NEK11: variants seen among roughly 807,000 people sequenced by gnomAD.
NEK11 encodes the protein NIMA related kinase 11.
A neutral mutation model predicts 80.7 loss-of-function variants in NEK11; 72 were observed. That is an observed-to-expected ratio of 0.89 (90% CI 0.74 to 1.08). The LOEUF is 1.08. Among genes scored for constraint, NEK11 ranks in the 50% least tolerant of loss-of-function variants. NEK11 has a pLI of 0.00. For missense variants in NEK11, 764 were observed against 763.6 expected, an observed-to-expected ratio of 1.00 and a Z score of -0.01; for synonymous variants, 251 against 260.7, an observed-to-expected ratio of 0.96 and a Z score of 0.36.
intron 3 of NEK11, among the ~76,000 whole-genome samples, chr3:131,031,604 A>G (rs540912814): frequency 6.6e-6 from 1 of 152,332 alleles, no homozygotes; most frequent in East Asian, 1.9e-4. Context: ...TAAGATAATA[A>G]GTGAGTGGAG....
Position 131,228,424 on chromosome 3 carries a change from TG to T in NEK11, c.1400-103del, listed in dbSNP as rs1284611189. The T allele has an allele frequency of 2.3e-5, 23 of 1,011,760 alleles. No homozygotes were observed. The African/African-American group carries it at 3.2e-4, about 14-fold the overall frequency. 62.7% of individuals were successfully genotyped at this position (1,011,760 alleles called of 1,614,324 possible). ...TCAGCTCTACACTCCATGGAAGCTT[TG>T]TCAACGCAAGCAAAATATACATCCC... On this transcript the variant is annotated intron_variant, in intron 14 of 17. Transcript: ENST00000383366.
At position 131,133,928 on chromosome 3, in the gene NEK11, C is replaced by G. The variant is rs1317886436; in HGVS notation, c.619C>G (p.Gln207Glu). The G allele has an allele frequency of 6.2e-7, 1 of 1,611,200 alleles. No homozygotes were observed. Among genetic ancestry groups the G allele is most frequent in the South Asian group, 1.1e-5 (1 of 90,506 alleles). ...HYMSPEALKH[Q>E]GYDTKSDIWS... ...TATGAGTCCTGAGGCTCTGAAACACCAAGGCTATGACACAAAGTCGGACAT... is the reference window on the plus strand; with the variant it reads ...TATGAGTCCTGAGGCTCTGAAACACGAAGGCTATGACACAAAGTCGGACAT... The change falls in exon 7 of 18, where the codon CAA (glutamine) becomes GAA (glutamate). Residue 207 changes from glutamine to glutamate, a missense_variant. Coordinates refer to ENST00000383366, the MANE Select transcript of NEK11 (RefSeq NM_024800.5).
chr3:131,281,960 C>A (rs541582033), intron 17 of NEK11, among the ~76,000 whole-genome samples: 5 of 152,160 alleles, frequency 3.3e-5, no homozygotes, highest in Non-Finnish European at 7.4e-5. Context: ...CACAAAATGT[C>A]CCCACATCTA....
At position 131,152,388 on chromosome 3, in the gene NEK11, G is replaced by A. The variant is rs776569792; in HGVS notation, c.648G>A (p.Trp216Ter). Reference protein sequence around the residue: ...HQGYDTKSDIWSLACILYEMC... With the variant: ...HQGYDTKSDI The stretch of plus-strand genomic sequence containing the variant: ...TTAAATTCTTTGACTTTGTCTTCAG[G>A]TCACTGGCATGCATTTTGTATGAGA... The change falls in exon 8 of 18, where the codon TGG becomes TGA. Residue 216 changes from tryptophan to a stop codon, truncating the protein, a stop_gained and splice_region_variant. Transcript: ENST00000383366. LOFTEE classifies it high-confidence loss of function. The A allele has an allele frequency of 2.5e-6, 4 of 1,592,718 alleles. No homozygotes were observed. Among genetic ancestry groups the A allele is most frequent in the South Asian group, 2.3e-5 (2 of 87,530 alleles).
intron 14 of NEK11, among the ~76,000 whole-genome samples, chr3:131,212,754 T>C (rs2094679333): frequency 6.6e-6 from 1 of 152,236 alleles, no homozygotes; most frequent in Non-Finnish European, 1.5e-5. Context: ...AACTTTATTC[T>C]CTGTCAGATT....
At chr3:131,290,320 A>C (rs185859526) in intron 17 of NEK11, among the ~76,000 whole-genome samples, 6 of 152,318 alleles carry the variant, frequency 3.9e-5, no homozygotes, top group Admixed American at 3.9e-4. Flanking sequence ...ATGAGAGGCA[A>C]GAGGAATTTC....
At chr3:131,182,252 C>T (rs955858050) in intron 14 of NEK11, among the ~76,000 whole-genome samples, 1 of 151,922 alleles carries the variant, frequency 6.6e-6, no homozygotes, top group Non-Finnish European at 1.5e-5. Flanking sequence ...TTCTCTTTTT[C>T]TCTTGCTTCT....
At chr3:131,269,834 G>A (rs2096144001) in intron 16 of NEK11, among the ~76,000 whole-genome samples, 1 of 152,236 alleles carries the variant, frequency 6.6e-6, no homozygotes, top group Admixed American at 6.5e-5. Flanking sequence ...CCTAGGTTCA[G>A]GAAGGAGCCC....
At chr3:131,155,321 G>A (rs1417051373) in intron 10 of NEK11, among the ~76,000 whole-genome samples, 200 bp downstream of exon 10, 3 of 152,216 alleles carry the variant, frequency 2.0e-5, no homozygotes, top group African/African-American at 7.2e-5. Context: ...AATCATGAAA[G>A]TTTAAACCAC....
chr3:131,289,255 A>G (rs1187324060), intron 17 of NEK11, among the ~76,000 whole-genome samples: 1 of 152,096 alleles, frequency 6.6e-6, no homozygotes, highest in Non-Finnish European at 1.5e-5. Context: ...ATTTCTTCTT[A>G]TAAGGACACC....
chr3:131,049,517 T>C (rs1185232839), intron 3 of NEK11, among the ~76,000 whole-genome samples: 1 of 152,252 alleles, frequency 6.6e-6, no homozygotes, highest in Admixed American at 6.5e-5. Context: ...AAATTATTTG[T>C]CATTTCTTTA....
chr3:131,263,140 A>G (rs1049663317), intron 16 of NEK11, among the ~76,000 whole-genome samples: 7 of 147,760 alleles, frequency 4.7e-5, no homozygotes, highest in Non-Finnish European at 1.5e-5. Context: ...GCACCCATTA[A>G]CTCGTCATTT....
intron 17 of NEK11, among the ~76,000 whole-genome samples, chr3:131,323,954 T>C (rs1398996709): frequency 2.0e-5 from 3 of 152,186 alleles, no homozygotes; most frequent in African/African-American, 7.2e-5. Context: ...CGGCTACACA[T>C]GGCCATCCTA....
intron 15 of NEK11, among the ~76,000 whole-genome samples, chr3:131,232,594 A>G (rs1000065319): frequency 3.9e-5 from 6 of 152,186 alleles, no homozygotes; most frequent in African/African-American, 1.2e-4. Flanking sequence ...GAAGTTCTCA[A>G]TGCTTTTTCC....
intron 6 of NEK11, chr3:131,133,432 G>T: frequency 3.1e-6 from 1 of 319,764 alleles, no homozygotes; most frequent in Non-Finnish European, 6.0e-6. Flanking sequence ...TCTTTAAAAC[G>T]CTCCATTATT....
chr3:131,146,865 T>C (rs1467989585), intron 7 of NEK11, among the ~76,000 whole-genome samples: 2 of 152,090 alleles, frequency 1.3e-5, no homozygotes, highest in African/African-American at 4.8e-5. Context: ...CTTTTGCCCA[T>C]TTTTCTATTG....
chr3:131,247,480 G>T (rs2095622433), intron 16 of NEK11, among the ~76,000 whole-genome samples: 1 of 152,038 alleles, frequency 6.6e-6, no homozygotes, highest in Non-Finnish European at 1.5e-5. Context: ...TGGTTTTTGT[G>T]CCTGTTTTTA....
At chr3:131,128,536 GTTTA>G (rs2083777376) in intron 5 of NEK11, among the ~76,000 whole-genome samples, 1 of 152,092 alleles carries the variant, frequency 6.6e-6, no homozygotes, top group Non-Finnish European at 1.5e-5. Flanking sequence ...ATGTACCATG[GTTTA>G]TTTAACCATT....
chr3:131,334,859 G>C (rs538773413), intron 17 of NEK11, among the ~76,000 whole-genome samples: 23 of 152,288 alleles, frequency 1.5e-4, no homozygotes, highest in Admixed American at 5.2e-4. Context: ...AAATAAACTA[G>C]AAAATCTAGA....
Sources: gnomAD v4.1 joint callset for allele counts (sites outside exome capture counted in the v4.1 genomes callset) on GRCh38, gnomAD v4.1.1 for gene constraint, MANE v1.5 for transcripts, NCBI Gene and HGNC (gene_info 2026-07-23, HGNC 2026-07-21) for gene names.